Variants in ATF7IP observed in about 807,000 individuals in gnomAD.
ATF7IP encodes the protein activating transcription factor 7-interacting protein 1.
A neutral mutation model predicts 106.4 loss-of-function variants in ATF7IP; 23 were observed. The ratio of observed to expected loss-of-function variants is 0.22; its 90% confidence interval spans 0.16 to 0.31. The LOEUF (loss-of-function observed/expected upper bound fraction) is 0.31. ATF7IP is among the 10% of genes least tolerant of loss of function. ATF7IP has a pLI of 1.00. For synonymous variants in ATF7IP, 542 were observed against 539.0 expected (o/e 1.01, Z -0.08); for missense variants, 1,334 against 1,524.3 (o/e 0.88, Z 2.08).
At chr12:14,436,479 G>C (rs962787684) in intron 4 of ATF7IP, among the ~76,000 whole-genome samples, 4 of 152,170 alleles carry the variant, frequency 2.6e-5, no homozygotes, top group African/African-American at 9.6e-5. Context: ...ATCACCTGAA[G>C]TCAGGAGTTC....
chr12:14,426,039 A>C (rs1009275402), intron 2 of ATF7IP, among the ~76,000 whole-genome samples: 2 of 151,974 alleles, frequency 1.3e-5, no homozygotes, highest in East Asian at 3.9e-4. Flanking sequence ...TACCCAACCT[A>C]TTCTCTTCCT....
chr12:14,453,729 A>T (rs2136691087), intron 6 of ATF7IP, among the ~76,000 whole-genome samples: 1 of 151,842 alleles, frequency 6.6e-6, no homozygotes, highest in Non-Finnish European at 1.5e-5. Context: ...GGTTCAAGCG[A>T]TTCTCCAGCC....
At chr12:14,370,965 G>A (rs1176924949) in intron 1 of ATF7IP, among the ~76,000 whole-genome samples, 1 of 151,092 alleles carries the variant, frequency 6.6e-6, no homozygotes, top group Non-Finnish European at 1.5e-5. Context: ...GCCAGGGTGA[G>A]GCTTAATCTC....
At chr12:14,490,860 A>G (rs1451854607) in intron 13 of ATF7IP, among the ~76,000 whole-genome samples, 1 of 152,120 alleles carries the variant, frequency 6.6e-6, no homozygotes, top group Non-Finnish European at 1.5e-5. Context: ...GACCCACTTT[A>G]TGGCTAAGTG....
chr12:14,468,654 C>G (rs1456508545), intron 10 of ATF7IP, among the ~76,000 whole-genome samples: 1 of 152,186 alleles, frequency 6.6e-6, no homozygotes, highest in African/African-American at 2.4e-5. Flanking sequence ...GTTTGAGCAG[C>G]TAGCCTGCTG....
intron 12 of ATF7IP, 32 bp downstream of exon 12, chr12:14,478,504 T>C: frequency 6.2e-7 from 1 of 1,612,012 alleles, no homozygotes; most frequent in South Asian, 1.1e-5. Context: ...GTAGAAGCTT[T>C]GGTTTTGCCT....
chr12:14,443,424 C>T (rs776017975), intron 5 of ATF7IP, among the ~76,000 whole-genome samples: 32 of 152,126 alleles, frequency 2.1e-4, no homozygotes, highest in Non-Finnish European at 3.8e-4. Flanking sequence ...ATAGATTTCT[C>T]TTAAGAATGC....
chr12:14,445,054 C>A (rs567573063), intron 5 of ATF7IP, among the ~76,000 whole-genome samples: 27 of 142,534 alleles, frequency 1.9e-4, no homozygotes, highest in Middle Eastern at 7.8e-3. Flanking sequence ...TGCAGTGGTG[C>A]GATCTCGGCT....
At chr12:14,380,771 C>T (rs1938971311) in intron 1 of ATF7IP, among the ~76,000 whole-genome samples, 1 of 152,188 alleles carries the variant, frequency 6.6e-6, no homozygotes, top group Non-Finnish European at 1.5e-5. Flanking sequence ...AGGTGTGTGC[C>T]ACCACGCCCA....
At chr12:14,466,370 C>G (rs1391198536) in intron 9 of ATF7IP, 156 bp from the exon 10 acceptor site, 1 of 651,164 alleles carries the variant, frequency 1.5e-6, no homozygotes, top group African/African-American at 1.9e-5. Flanking sequence ...CTGAAAGATA[C>G]TATAGCAGTG....
chr12:14,377,626 T>C (rs1278842739), intron 1 of ATF7IP, among the ~76,000 whole-genome samples: 1 of 151,786 alleles, frequency 6.6e-6, no homozygotes, highest in East Asian at 1.9e-4. Flanking sequence ...TTCTTTCTTT[T>C]TTTTTTTGAC....
chr12:14,380,013 T>C (rs547817753), intron 1 of ATF7IP, among the ~76,000 whole-genome samples: 2 of 152,294 alleles, frequency 1.3e-5, no homozygotes, highest in East Asian at 3.9e-4. Flanking sequence ...GTGATTCCAA[T>C]TTGAATATTT....
intron 13 of ATF7IP, among the ~76,000 whole-genome samples, chr12:14,495,448 C>T (rs1944984115): frequency 1.3e-5 from 2 of 152,166 alleles, no homozygotes; most frequent in South Asian, 2.1e-4. Context: ...TTTACAAGAG[C>T]GTTGTCTGGG....
At chr12:14,427,531 A>G (rs1032936004) in intron 2 of ATF7IP, among the ~76,000 whole-genome samples, 1 of 151,872 alleles carries the variant, frequency 6.6e-6, no homozygotes, top group African/African-American at 2.4e-5. Flanking sequence ...ACGCCTGGCT[A>G]ATTTTTGTAT....
At chr12:14,448,500 A>T (rs1943073250) in intron 6 of ATF7IP, among the ~76,000 whole-genome samples, 1 of 152,160 alleles carries the variant, frequency 6.6e-6, no homozygotes, top group Non-Finnish European at 1.5e-5. Context: ...CATCACCATA[A>T]GTGGACTCCC....
chr12:14,381,867 G>GTTTTTTTTTTTT (rs55929147), intron 1 of ATF7IP, among the ~76,000 whole-genome samples: 2 of 148,364 alleles, frequency 1.3e-5, no homozygotes, highest in African/African-American at 2.5e-5. Flanking sequence ...ATTAATTCTA[G>GTTTTTTTTTTTT]TTTTTTTTTT....
chr12:14,484,852 G>A (rs2080746), intron 13 of ATF7IP, among the ~76,000 whole-genome samples: 152,082 of 152,288 alleles, frequency 1, 75,939 homozygotes, highest in Non-Finnish European at 1. Context: ...TGCATGACCC[G>A]CTTTATGGCT....
intron 1 of ATF7IP, among the ~76,000 whole-genome samples, chr12:14,379,242 C>T (rs747320587): frequency 2.0e-5 from 3 of 152,130 alleles, no homozygotes; most frequent in African/African-American, 7.2e-5. Context: ...TCACCTTTCT[C>T]TTGTTCTTGC....
intron 1 of ATF7IP, among the ~76,000 whole-genome samples, chr12:14,403,704 T>C (rs1258056667): frequency 6.6e-6 from 1 of 152,242 alleles, no homozygotes; most frequent in East Asian, 1.9e-4. Flanking sequence ...AGCTTAGTTA[T>C]ATGTACTTGG....
Sources: allele counts gnomAD v4.1 joint callset (sites outside exome capture counted in the v4.1 genomes callset), GRCh38; gene constraint gnomAD v4.1.1; transcripts MANE v1.5; gene names NCBI Gene and HGNC (gene_info 2026-07-23, HGNC 2026-07-21).